The following AOC2 variants were observed in gnomAD, a reference collection of about 807,000 sequenced individuals.
AOC2 encodes amine oxidase copper containing 2.
In AOC2, 57 loss-of-function variants were observed where a neutral mutation model predicts 53.8. The ratio of observed to expected loss-of-function variants is 1.06; its 90% confidence interval spans 0.86 to 1.32. The LOEUF is 1.32. Ranked by LOEUF, AOC2 falls within the 40% of genes most tolerant of loss-of-function variation. AOC2 has a pLI of 0.00. For synonymous variants in AOC2, 404 were observed against 399.0 expected (o/e 1.01, Z -0.15); for missense variants, 1,008 against 957.2 (o/e 1.05, Z -0.70).
At position 42,845,864 on chromosome 17, in the gene AOC2, A is replaced by G. The variant is rs755184760; in HGVS notation, c.1238A>G (p.Lys413Arg). The part of the protein sequence containing the change: ...TMVDIHILVG[K>R]GAVQLLPGAV... The stretch of plus-strand genomic sequence containing the variant: ...GTGGACATCCATATATTAGTGGGCA[A>G]AGGGGCAGTCCAGCTGCTTCCAGGG... Residue 413 changes from lysine (K) to arginine (R), a missense_variant, in exon 1 of 4, where the codon AAA becomes AGA. Transcript: ENST00000253799. 8 of 1,614,130 alleles carry G rather than the reference A, an allele frequency of 5.0e-6. No individual in the cohort carries two copies. In the South Asian group the frequency reaches 5.5e-5, roughly 11 times the overall value.
intron 1 of AOC2, among the ~76,000 whole-genome samples, chr17:42,848,048 G>A (rs2055612239): frequency 6.9e-6 from 1 of 145,128 alleles, no homozygotes; most frequent in South Asian, 2.2e-4. Context: ...AAAGTGCTGT[G>A]AGCTACCATG....
Position 42,844,950 on chromosome 17 carries a change from C to G in AOC2, c.324C>G (p.His108Gln), listed in dbSNP as rs767922212. The G allele has an allele frequency of 3.1e-6, 5 of 1,612,020 alleles. No individual in the cohort carries two copies. The African/African-American group carries it at 6.7e-5, about 22-fold the overall frequency. ...QLPPKAAALA[H>Q]LDRGSPPPAR... Reference sequence around the variant, plus strand: ...CCCCCAAGGCTGCAGCCCTGGCCCACCTGGACAGGGGGAGCCCCCCACCTG... The same window carrying G: ...CCCCCAAGGCTGCAGCCCTGGCCCAGCTGGACAGGGGGAGCCCCCCACCTG... The change falls in exon 1 of 4, where the codon CAC (histidine) becomes CAG (glutamine). Residue 108 changes from histidine to glutamine, a missense_variant. Transcript: ENST00000253799.
rs535932558 is a variant in AOC2 at position 42,846,754 on chromosome 17, G to C, written c.1588+540G>C. Among the ~76,000 whole-genome samples, 17 of 152,292 alleles carry C rather than the reference G, an allele frequency of 1.1e-4. No individual in the cohort carries two copies. The South Asian group carries it at 1.7e-3, about 15-fold the overall frequency. ...TCATCGGGAGGGCCATCCCATTCCT[G>C]TCATCACAGTTGACTCATGGCAGGC... On this transcript the variant is annotated intron_variant, in intron 1 of 3. Coordinates refer to ENST00000253799, the MANE Select transcript of AOC2 (RefSeq NM_009590.4).
In AOC2 at chr17:42,844,581, G is replaced by T. The variant is rs1221996747; in HGVS notation, c.-46G>T. ...AACCCCGACTTGATGTCAGTAACTG[G>T]AAGGAGCAGCTGTTAGAATTCTGAT... On this transcript the variant is annotated 5_prime_UTR_variant, in exon 1 of 4. Transcript: ENST00000253799. 2.6e-6 allele frequency: 4 copies of T among 1,557,956 alleles called. No individual in the cohort carries two copies. In the Admixed American group the frequency reaches 7.2e-5, roughly 28 times the overall value.
rs1383559841 is a variant in AOC2, at chr17:42,850,637, A to G, written c.*289A>G. On this transcript the variant is annotated 3_prime_UTR_variant, in exon 4 of 4. Coordinates refer to ENST00000253799, the MANE Select transcript of AOC2 (RefSeq NM_009590.4). Reference sequence around the variant, plus strand: ...GACATCTCTTTATGCATGTGCATTCAAAAGGAAGAGTAGATAGAATTTTGT... The same window carrying G: ...GACATCTCTTTATGCATGTGCATTCGAAAGGAAGAGTAGATAGAATTTTGT... The G allele has an allele frequency of 2.0e-5, 6 of 298,070 alleles. No homozygotes were observed. Among genetic ancestry groups the G allele is most frequent in the Non-Finnish European group, 3.7e-5 (6 of 163,086 alleles). 18.5% of individuals were successfully genotyped at this position (298,070 alleles called of 1,614,324 possible).
intron 1 of AOC2, among the ~76,000 whole-genome samples, chr17:42,848,524 A>AATATATATATATATATATATAT: frequency 1.5e-5 from 2 of 131,260 alleles, no homozygotes; most frequent in African/African-American, 6.6e-5. Context: ...AGAGGAACTG[A>AATATATATATATATATATATAT]ATATATATAT....
intron 1 of AOC2, among the ~76,000 whole-genome samples, chr17:42,847,028 T>C (rs2055604859): frequency 6.6e-6 from 1 of 152,260 alleles, no homozygotes; most frequent in South Asian, 2.1e-4. Context: ...GTATTTCTTG[T>C]GAAATGTTTT....
intron 1 of AOC2, among the ~76,000 whole-genome samples, chr17:42,847,606 G>T (rs1255308574): frequency 6.6e-6 from 1 of 152,128 alleles, no homozygotes; most frequent in Non-Finnish European, 1.5e-5. Context: ...AGTATGCAGG[G>T]GACCATGGGA....
Position 42,844,684 on chromosome 17 carries a change from C to CTGGCCTA in AOC2, c.61_67dup (p.Val23GlyfsTer23), listed in dbSNP as rs1448144276. ...ACTGTCCCTCATTACCATCTTTGCCCTGGCCTATGTTTTGCTGACCAGCCC... is the reference window on the plus strand; with the variant it reads ...ACTGTCCCTCATTACCATCTTTGCCCTGGCCTATGGCCTATGTTTTGCTGACCAGCCC... On this transcript the variant is annotated frameshift_variant, in exon 1 of 4. Transcript: ENST00000253799. LOFTEE classifies it high-confidence loss of function. 6.2e-7 allele frequency: 1 copy of CTGGCCTA among 1,614,230 alleles called. No homozygotes were observed. Among genetic ancestry groups the CTGGCCTA allele is most frequent in the Non-Finnish European group, 8.5e-7 (1 of 1,180,036 alleles).
At chr17:42,847,862 C>G (rs1395388641) in intron 1 of AOC2, among the ~76,000 whole-genome samples, 1 of 151,492 alleles carries the variant, frequency 6.6e-6, no homozygotes, top group Non-Finnish European at 1.5e-5. Context: ...TTCACCGCAA[C>G]CTCCACCTCC....
rs1285782329 is a variant in AOC2, at chr17:42,850,525, G to A, written c.*177G>A. The A allele has an allele frequency of 3.3e-6, 2 of 605,126 alleles. No individual in the cohort carries two copies. The highest frequency in any genetic ancestry group is 3.1e-5 in the East Asian group (1 of 31,764). The allele number at this position is 605,126 out of a possible 1,614,324, so 37.5% of individuals were successfully genotyped here. A position where few individuals can be genotyped will look rare whatever the true frequency, so the allele number is the denominator to read the frequency against. The stretch of plus-strand genomic sequence containing the variant: ...TTCTTACTTCCTGTTCATCTCTAAA[G>A]TGTTAAATTATAAAAATGATTTTTA... On this transcript the variant is annotated 3_prime_UTR_variant, in exon 4 of 4. Coordinates refer to ENST00000253799, the MANE Select transcript of AOC2 (RefSeq NM_009590.4).
chr17:42,850,563 A>C lies in AOC2; in HGVS notation c.*215A>C. 2.1e-6 allele frequency: 1 copy of C among 487,498 alleles called. No homozygotes were observed. Among genetic ancestry groups the C allele is most frequent in the Non-Finnish European group, 3.4e-6 (1 of 291,220 alleles). The allele number at this position is 487,498 out of a possible 1,614,324, so 30.2% of individuals were successfully genotyped here. A position where few individuals can be genotyped will look rare whatever the true frequency, so the allele number is the denominator to read the frequency against. On this transcript the variant is annotated 3_prime_UTR_variant, in exon 4 of 4. Coordinates refer to ENST00000253799, the MANE Select transcript of AOC2 (RefSeq NM_009590.4). ...AAAATGATTTTTAAATATTCAAAGA[A>C]AAATATCACAAATCCTACTACTCAG...
intron 2 of AOC2, 70 bp from the exon 3 acceptor site, chr17:42,849,531 C>G (rs1597963985): frequency 6.2e-7 from 1 of 1,611,344 alleles, no homozygotes; most frequent in East Asian, 2.2e-5. Context: ...AGAATCGGAT[C>G]TAAGGGACTC....
chr17:42,845,300 A>G lies in AOC2; in HGVS notation c.674A>G (p.His225Arg), dbSNP rs749678073. The change falls in exon 1 of 4, where the codon CAT becomes CGT. Residue 225 changes from histidine to arginine, a missense_variant. Transcript: ENST00000253799. Reference sequence around the variant, plus strand: ...CGAGCTACCTGGATGGCCCTCTACCATAACATCTCAGGGGTTGGTCTTTTC... The same window carrying G: ...CGAGCTACCTGGATGGCCCTCTACCGTAACATCTCAGGGGTTGGTCTTTTC... ...GDRATWMALY[H>R]NISGVGLFLH... 1.1e-5 allele frequency: 18 copies of G among 1,614,138 alleles called. No individual in the cohort carries two copies. The Admixed American group carries it at 1.8e-4, about 16-fold the overall frequency.
chr17:42,850,410 A>G lies in AOC2; in HGVS notation c.*62A>G, dbSNP rs572527050. On this transcript the variant is annotated 3_prime_UTR_variant, in exon 4 of 4. Coordinates refer to ENST00000253799, the MANE Select transcript of AOC2 (RefSeq NM_009590.4). ...GTACTTTTCCCTGTTTCTACTTTCT[A>G]TTCTCCGTGTTTTTATCACACCTGC... The G allele has an allele frequency of 1.0e-5, 15 of 1,501,590 alleles. No individual in the cohort carries two copies. The highest frequency in any genetic ancestry group is 1.3e-5 in the Non-Finnish European group (15 of 1,125,444). 93.0% of individuals were successfully genotyped at this position (1,501,590 alleles called of 1,614,324 possible).
intron 1 of AOC2, 97 bp downstream of exon 1, chr17:42,846,311 G>A (rs796925386): frequency 5.1e-5 from 70 of 1,382,132 alleles, no homozygotes; most frequent in Non-Finnish European, 6.0e-5. Context: ...GAAATAACAA[G>A]TGGCAAGAGC....
Position 42,849,337 on chromosome 17 carries a change from G to A in AOC2, c.1840G>A (p.Glu614Lys), listed in dbSNP as rs200860471. 464 of 1,613,992 alleles carry A rather than the reference G, an allele frequency of 2.9e-4. 8 individuals carry two copies. In the South Asian group the frequency reaches 4.9e-3, roughly 17 times the overall value. Reference protein sequence around the residue: ...HSPLGIHIPLESDMERALSWG... With the variant: ...HSPLGIHIPLKSDMERALSWG... Reference sequence around the variant, plus strand: ...CCCCCTTGGCATACACATACCCCTGGAGAGTGACATGGAGAGGGCCCTCAG... The same window carrying A: ...CCCCCTTGGCATACACATACCCCTGAAGAGTGACATGGAGAGGGCCCTCAG... Residue 614 changes from glutamate to lysine, a missense_variant, in exon 2 of 4, where the codon GAG (glutamate) becomes AAG (lysine). By Grantham distance (56) the Glu-to-Lys change is moderately conservative. Coordinates refer to ENST00000253799, the MANE Select transcript of AOC2 (RefSeq NM_009590.4).
chr17:42,845,208 C>T lies in AOC2; in HGVS notation c.582C>T (p.Thr194=), dbSNP rs2055583840. The change falls in exon 1 of 4, where the codon ACC becomes ACT. Residue 194 remains threonine, a synonymous_variant. Coordinates refer to ENST00000253799, the MANE Select transcript of AOC2 (RefSeq NM_009590.4). ...AGGCACCCATCTTCCTGTCGTCCACCTTCAACTACAATGGCTCTACCCTGG... is the reference window on the plus strand; with the variant it reads ...AGGCACCCATCTTCCTGTCGTCCACTTTCAACTACAATGGCTCTACCCTGG... ...LPKAPIFLSS[T]FNYNGSTLAA... The T allele has an allele frequency of 3.7e-6, 6 of 1,613,878 alleles. No homozygotes were observed. Among genetic ancestry groups the T allele is most frequent in the Non-Finnish European group, 3.4e-6 (4 of 1,180,018 alleles).
At chr17:42,848,781 G>A (rs2055619933) in intron 1 of AOC2, among the ~76,000 whole-genome samples, 1 of 151,676 alleles carries the variant, frequency 6.6e-6, no homozygotes, top group Non-Finnish European at 1.5e-5. Flanking sequence ...AAACTCCTGG[G>A]CTCACATGAT....
Sources: allele counts gnomAD v4.1 joint callset (sites outside exome capture counted in the v4.1 genomes callset), GRCh38; gene constraint gnomAD v4.1.1; transcripts MANE v1.5; gene names NCBI Gene and HGNC (gene_info 2026-07-23, HGNC 2026-07-21).